DNLZ: variants seen among roughly 807,000 people sequenced by gnomAD.
DNLZ encodes DNL-type zinc finger protein.
Under a neutral mutation model 7.8 loss-of-function variants are expected in DNLZ, and 15 were observed. The ratio of observed to expected loss-of-function variants is 1.91; its 90% CI spans 1.28 to 2.95. DNLZ has a LOEUF of 2.95. Among genes scored for constraint, DNLZ ranks in the 30% most tolerant of loss-of-function variants. The pLI, the probability that DNLZ is intolerant of heterozygous loss-of-function variation, is 0.00. For missense variants in DNLZ, 255 were observed against 167.3 expected, an observed-to-expected ratio of 1.52 and a Z score of -2.89; for synonymous variants, 123 against 77.8, an observed-to-expected ratio of 1.58 and a Z score of -3.05.
Position 136,363,087 on chromosome 9 carries a change from G to A in DNLZ, c.270C>T (p.Ala90=), listed in dbSNP as rs374896341. 1 of 1,613,648 alleles carries A rather than the reference G, an allele frequency of 6.2e-7. No homozygotes were observed. The highest frequency in any genetic ancestry group is 8.5e-7 in the Non-Finnish European group (1 of 1,179,990). ...TCACAATGACCACGCCTTGGTGATA[G>A]GCCAGCTTGGAGATGCGCTTGGAGG... is the stretch of plus-strand genomic sequence containing the variant. ...TRSSKRISKL[A]YHQGVVIVTC... Residue 90 remains alanine, a synonymous_variant, in exon 2 of 3, where the codon GCC becomes GCT. Coordinates refer to ENST00000371738, the MANE Select transcript of DNLZ (RefSeq NM_001080849.3).
rs1554774485 is a variant in DNLZ at position 136,363,739 on chromosome 9, T to TGCCCCG, written c.-26_-25insCGGGGC. ...TCCCGCTCGCCGGCTCCGTCCGCCC[T>TGCCCCG]GCCCCGGCCCCGCCCCGCCGCCATC... On this transcript the variant is annotated 5_prime_UTR_variant, in exon 1 of 3. Transcript: ENST00000371738. 2.1e-4 allele frequency: 103 copies of TGCCCCG among 481,216 alleles called. 3 individuals are homozygous for TGCCCCG. In the South Asian group the frequency reaches 2.5e-3, roughly 11 times the overall value. The allele number at this position is 481,216 out of a possible 1,614,324, so 29.8% of individuals were successfully genotyped here. A position where few individuals can be genotyped will look rare whatever the true frequency, so the allele number is the denominator to read the frequency against.
At position 136,361,556 on chromosome 9, in the gene DNLZ, G is replaced by A. The variant is rs77584409; in HGVS notation, c.*456C>T. The A allele has an allele frequency of 2.6e-4, 40 of 155,692 alleles. 1 individual carries two copies. In the East Asian group the frequency reaches 6.4e-3, roughly 25 times the overall value. The allele number at this position is 155,692 out of a possible 1,614,324, so 9.6% of individuals were successfully genotyped here. ...GCTCACTGTTTCGCCGACGGCCGGC[G>A]GCCGAGGACCAGGGCTCAGGTCTGC... On this transcript the variant is annotated 3_prime_UTR_variant, in exon 3 of 3. Coordinates refer to ENST00000371738, the MANE Select transcript of DNLZ (RefSeq NM_001080849.3).
At position 136,359,639 on chromosome 9, in the gene DNLZ, A is replaced by G. The variant is rs547972769; in HGVS notation, c.*2373T>C. 1 of 152,452 alleles carries G rather than the reference A, an allele frequency of 6.6e-6. No homozygotes were observed. Among genetic ancestry groups the G allele is most frequent in the Admixed American group, 6.5e-5 (1 of 15,310 alleles). The allele number at this position is 152,452 out of a possible 1,614,324, so 9.4% of individuals were successfully genotyped here. ...GGGCTTAGTCCCGGGTGGGGGCCTA[A>G]CCCGGTAAGAGGCTGCACTGTGCAA... On this transcript the variant is annotated 3_prime_UTR_variant, in exon 3 of 3. Transcript: ENST00000371738.
intron 1 of DNLZ, 84 bp from the exon 2 acceptor site, chr9:136,363,212 G>T (rs1316791948): frequency 3.3e-6 from 5 of 1,528,744 alleles, no homozygotes; most frequent in Non-Finnish European, 4.5e-6. Flanking sequence ...GGTAGCTCCA[G>T]CCACCTCACC....
In DNLZ at chr9:136,362,082, G is replaced by A; in HGVS notation, c.467C>T (p.Thr156Ile). The stretch of plus-strand genomic sequence containing the variant: ...ACCCGCTTCCGGAGCTGCAGTGGAT[G>A]TGGGGGCCCCTGCAGCCTCCAGAAC... ...ELVLEAAGAPTSTAAPEAGED... is the reference protein window; with the variant it reads ...ELVLEAAGAPISTAAPEAGED... The change falls in exon 3 of 3, where the codon ACA (threonine) becomes ATA (isoleucine). Residue 156 changes from threonine to isoleucine, a missense_variant. By Grantham distance (89) the Thr-to-Ile change is moderately conservative. Transcript: ENST00000371738. 1 of 1,455,828 alleles carries A rather than the reference G, an allele frequency of 6.9e-7. No homozygotes were observed. 90.2% of individuals were successfully genotyped at this position (1,455,828 alleles called of 1,614,324 possible).
Position 136,361,223 on chromosome 9 carries a change from A to G in DNLZ, c.*789T>C, listed in dbSNP as rs1832975434. The G allele has an allele frequency of 6.6e-6, 1 of 152,054 alleles. No homozygotes were observed. Among genetic ancestry groups the G allele is most frequent in the South Asian group, 2.1e-4 (1 of 4,806 alleles). The allele number at this position is 152,054 out of a possible 1,614,324, so 9.4% of individuals were successfully genotyped here. Reference sequence around the variant, plus strand: ...GTGCTCAGTCCTGCCTCCACCTCCCACCTCGCCCCATTCTCTTCCCTGCCG... The same window carrying G: ...GTGCTCAGTCCTGCCTCCACCTCCCGCCTCGCCCCATTCTCTTCCCTGCCG... On this transcript the variant is annotated 3_prime_UTR_variant, in exon 3 of 3. Coordinates refer to ENST00000371738, the MANE Select transcript of DNLZ (RefSeq NM_001080849.3).
Position 136,363,734 on chromosome 9 carries a change from C to CGCCCTGCCCTG in DNLZ, c.-21_-20insCAGGGCAGGGC. 2.2e-6 allele frequency: 1 copy of CGCCCTGCCCTG among 454,782 alleles called. No homozygotes were observed. Among genetic ancestry groups the CGCCCTGCCCTG allele is most frequent in the Non-Finnish European group, 3.8e-6 (1 of 261,620 alleles). 28.2% of individuals were successfully genotyped at this position (454,782 alleles called of 1,614,324 possible). A position where few individuals can be genotyped will look rare whatever the true frequency, so the allele number is the denominator to read the frequency against. On this transcript the variant is annotated 5_prime_UTR_variant, in exon 1 of 3. Transcript: ENST00000371738. ...CAGCATCCCGCTCGCCGGCTCCGTC[C>CGCCCTGCCCTG]GCCCTGCCCCGGCCCCGCCCCGCCG...
chr9:136,362,906 T>C, intron 2 of DNLZ, 83 bp downstream of exon 2: 1 of 1,365,996 alleles, frequency 7.3e-7, no homozygotes, highest in East Asian at 2.3e-5. Context: ...TCTATAAACC[T>C]CAACACTAGG....
chr9:136,363,356 A>C (rs1180219411), intron 1 of DNLZ, 131 bp downstream of exon 1: 1 of 675,210 alleles, frequency 1.5e-6, no homozygotes. Flanking sequence ...CAGAAGCCCC[A>C]AGGGGTGGCT....
chr9:136,361,769 C>T lies in DNLZ; in HGVS notation c.*243G>A, dbSNP rs1178279632. ...GCCTCTGTGGGCAAGAGCTGGGTGACTCTGTGTAGAAGGAACTGTGGTGAG... is the reference window on the plus strand; with the variant it reads ...GCCTCTGTGGGCAAGAGCTGGGTGATTCTGTGTAGAAGGAACTGTGGTGAG... On this transcript the variant is annotated 3_prime_UTR_variant, in exon 3 of 3. Coordinates refer to ENST00000371738, the MANE Select transcript of DNLZ (RefSeq NM_001080849.3). The T allele has an allele frequency of 2.6e-6, 1 of 385,844 alleles. No homozygotes were observed. Among genetic ancestry groups the T allele is most frequent in the Non-Finnish European group, 4.6e-6 (1 of 218,668 alleles). 23.9% of individuals were successfully genotyped at this position (385,844 alleles called of 1,614,324 possible). A position where few individuals can be genotyped will look rare whatever the true frequency, so the allele number is the denominator to read the frequency against.
rs771926181 is a variant in DNLZ at position 136,363,104 on chromosome 9, G to A, written c.253C>T (p.Arg85Cys). Reference sequence around the variant, plus strand: ...TGGTGATAGGCCAGCTTGGAGATGCGCTTGGAGGACCTAGTCCCGCAGACC... The same window carrying A: ...TGGTGATAGGCCAGCTTGGAGATGCACTTGGAGGACCTAGTCCCGCAGACC... ...CKVCGTRSSK[R>C]ISKLAYHQGV... Residue 85 changes from arginine (R) to cysteine (C), a missense_variant, in exon 2 of 3, where the codon CGC becomes TGC. Coordinates refer to ENST00000371738, the MANE Select transcript of DNLZ (RefSeq NM_001080849.3). The A allele has an allele frequency of 1.9e-6, 3 of 1,613,474 alleles. No individual in the cohort carries two copies. The highest frequency in any genetic ancestry group is 2.2e-5 in the East Asian group (1 of 44,882).
intron 2 of DNLZ, among the ~76,000 whole-genome samples, chr9:136,362,502 T>C (rs1832998719): frequency 1.3e-5 from 2 of 152,168 alleles, no homozygotes; most frequent in African/African-American, 4.8e-5. Flanking sequence ...GGCATGCTGG[T>C]CTCAGACCTG....
At chr9:136,362,774 A>T (rs1833003835) in intron 2 of DNLZ, among the ~76,000 whole-genome samples, 1 of 118,542 alleles carries the variant, frequency 8.4e-6, no homozygotes, top group Admixed American at 8.1e-5. Flanking sequence ...AAAATTTAAC[A>T]AATAAAAACG....
intron 2 of DNLZ, 134 bp downstream of exon 2, chr9:136,362,855 G>C: frequency 1.4e-6 from 1 of 723,306 alleles, no homozygotes; most frequent in Non-Finnish European, 2.3e-6. Flanking sequence ...ATTTAACTGT[G>C]TGTCTTGTAT....
Position 136,363,631 on chromosome 9 carries a change from G to A in DNLZ, c.84C>T (p.Gly28=). 2.2e-6 allele frequency: 1 copy of A among 450,372 alleles called. No homozygotes were observed. Among genetic ancestry groups the A allele is most frequent in the Admixed American group, 4.2e-5 (1 of 23,854 alleles). 27.9% of individuals were successfully genotyped at this position (450,372 alleles called of 1,614,324 possible). A position where few individuals can be genotyped will look rare whatever the true frequency, so the allele number is the denominator to read the frequency against. The change falls in exon 1 of 3, where the codon GGC becomes GGT. Residue 28 remains glycine, a synonymous_variant. Transcript: ENST00000371738. ...CCGCGACCTCTGGACGGGCCCCGCGGCCCCACAGCCGCCTCAGGCAGGGCG... is the reference window on the plus strand; with the variant it reads ...CCGCGACCTCTGGACGGGCCCCGCGACCCCACAGCCGCCTCAGGCAGGGCG... The part of the protein sequence containing the change: ...PRAPCLRRLW[G]RGARPEVAGR...
chr9:136,363,471 C>T lies in DNLZ; in HGVS notation c.228+16G>A. ...GATACGGGTCTGTCCCCGGTTCCGTCCCGCCGCGCGCCTACCTTGCAGGTG... is the reference window on the plus strand; with the variant it reads ...GATACGGGTCTGTCCCCGGTTCCGTTCCGCCGCGCGCCTACCTTGCAGGTG... On this transcript the variant is annotated intron_variant, in intron 1 of 2. Coordinates refer to ENST00000371738, the MANE Select transcript of DNLZ (RefSeq NM_001080849.3). The T allele has an allele frequency of 3.9e-6, 3 of 762,300 alleles. No individual in the cohort carries two copies. The highest frequency in any genetic ancestry group is 2.7e-5 in the South Asian group (2 of 74,406). The allele number at this position is 762,300 out of a possible 1,614,324, so 47.2% of individuals were successfully genotyped here. A position where few individuals can be genotyped will look rare whatever the true frequency, so the allele number is the denominator to read the frequency against.
chr9:136,361,041 G>A lies in DNLZ; in HGVS notation c.*971C>T, dbSNP rs1174950693. The stretch of plus-strand genomic sequence containing the variant: ...AGGCTCTGGGTGGGAATAATAGAGG[G>A]TTGTTGGCTGAAAGAAGGACAGGGG... On this transcript the variant is annotated 3_prime_UTR_variant, in exon 3 of 3. Coordinates refer to ENST00000371738, the MANE Select transcript of DNLZ (RefSeq NM_001080849.3). The A allele has an allele frequency of 2.0e-5, 3 of 152,180 alleles. No homozygotes were observed. The highest frequency in any genetic ancestry group is 2.9e-5 in the Non-Finnish European group (2 of 68,062). The allele number at this position is 152,180 out of a possible 1,614,324, so 9.4% of individuals were successfully genotyped here.
rs1030926337 is a variant in DNLZ, at chr9:136,363,621, G to A, written c.94C>T (p.Arg32Cys). ...CGCCGCCTCCCCGCGACCTCTGGAC[G>A]GGCCCCGCGGCCCCACAGCCGCCTC... ...CLRRLWGRGA[R>C]PEVAGRRRAW... The change falls in exon 1 of 3, where the codon CGT (arginine) becomes TGT (cysteine). Residue 32 changes from arginine to cysteine, a missense_variant. Arg to Cys is a radical substitution (Grantham distance 180). Transcript: ENST00000371738. 9 of 479,400 alleles carry A rather than the reference G, an allele frequency of 1.9e-5. No homozygotes were observed. Among genetic ancestry groups the A allele is most frequent in the South Asian group, 3.3e-5 (1 of 30,658 alleles). 29.7% of individuals were successfully genotyped at this position (479,400 alleles called of 1,614,324 possible). A position where few individuals can be genotyped will look rare whatever the true frequency, so the allele number is the denominator to read the frequency against.
chr9:136,363,634 C>A lies in DNLZ; in HGVS notation c.81G>T (p.Trp27Cys). The change falls in exon 1 of 3, where the codon TGG (tryptophan) becomes TGT (cysteine). Residue 27 changes from tryptophan to cysteine, a missense_variant. By Grantham distance (215) the Trp-to-Cys change is radical. Transcript: ENST00000371738. The part of the protein sequence containing the change: ...QPRAPCLRRL[W>C]GRGARPEVAG... The stretch of plus-strand genomic sequence containing the variant: ...CGACCTCTGGACGGGCCCCGCGGCC[C>A]CACAGCCGCCTCAGGCAGGGCGCCC... 1 of 456,156 alleles carries A rather than the reference C, an allele frequency of 2.2e-6. No individual in the cohort carries two copies. Among genetic ancestry groups the A allele is most frequent in the Non-Finnish European group, 3.8e-6 (1 of 260,330 alleles). 28.3% of individuals were successfully genotyped at this position (456,156 alleles called of 1,614,324 possible).
Sources: gnomAD v4.1 joint callset for allele counts (sites outside exome capture counted in the v4.1 genomes callset) on GRCh38, gnomAD v4.1.1 for gene constraint, MANE v1.5 for transcripts, NCBI Gene and HGNC (gene_info 2026-07-23, HGNC 2026-07-21) for gene names.